KCNH7: variants seen among roughly 807,000 people sequenced by gnomAD.
KCNH7 encodes potassium voltage-gated channel subfamily H member 7.
In KCNH7, 49 loss-of-function variants were observed where a neutral mutation model predicts 120.8. The observed-to-expected ratio is 0.41, with a 90% CI of 0.32 to 0.51. The LOEUF (loss-of-function observed/expected upper bound fraction) is 0.51. Ranked by LOEUF, KCNH7 falls within the 20% of genes least tolerant of loss-of-function variation. The pLI, the probability that KCNH7 is intolerant of heterozygous loss-of-function variation, is 0.38. For missense variants in KCNH7, 1,097 were observed against 1,446.6 expected (o/e 0.76, Z 3.92); for synonymous variants, 547 against 516.1 (o/e 1.06, Z -0.81).
intron 6 of KCNH7, among the ~76,000 whole-genome samples, chr2:162,449,254 C>A (rs1395720234): frequency 6.6e-6 from 1 of 151,932 alleles, no homozygotes; most frequent in Non-Finnish European, 1.5e-5. Context: ...TCAACCTTCT[C>A]ATACAGGAAT....
intron 2 of KCNH7, among the ~76,000 whole-genome samples, chr2:162,691,485 G>A (rs911442391): frequency 8.5e-5 from 13 of 152,092 alleles, no homozygotes; most frequent in African/African-American, 2.9e-4. Flanking sequence ...CTTCTCTTAC[G>A]AAAAATTTTA....
At chr2:162,415,831 T>C (rs887292807) in intron 9 of KCNH7, among the ~76,000 whole-genome samples, 2 of 152,178 alleles carry the variant, frequency 1.3e-5, no homozygotes, top group Non-Finnish European at 2.9e-5. Flanking sequence ...ATAAATGTTA[T>C]GTAACCTAGT....
At chr2:162,401,543 C>T (rs146237927) in intron 9 of KCNH7, among the ~76,000 whole-genome samples, 13 of 151,924 alleles carry the variant, frequency 8.6e-5, no homozygotes, top group Admixed American at 2.0e-4. Flanking sequence ...GTATTTGGCT[C>T]ACAGAGGAAC....
intron 2 of KCNH7, among the ~76,000 whole-genome samples, chr2:162,722,805 C>CTTTTT (rs370399268): frequency 1.3e-5 from 1 of 79,878 alleles, no homozygotes. Flanking sequence ...TTCATTCATT[C>CTTTTT]TTTTTTTCTT....
At chr2:162,772,919 C>T (rs745878880) in intron 2 of KCNH7, among the ~76,000 whole-genome samples, 2 of 152,008 alleles carry the variant, frequency 1.3e-5, no homozygotes, top group African/African-American at 2.4e-5. Flanking sequence ...CCACTTTTTC[C>T]GTAAAAAGGA....
chr2:162,393,572 G>A (rs181417582), intron 12 of KCNH7, among the ~76,000 whole-genome samples: 129 of 151,982 alleles, frequency 8.5e-4, no homozygotes, highest in Non-Finnish European at 1.9e-4. Context: ...TATTACAGAC[G>A]CAAAGAAAAG....
chr2:162,638,591 A>T (rs1179347555), intron 2 of KCNH7, among the ~76,000 whole-genome samples: 1 of 152,120 alleles, frequency 6.6e-6, no homozygotes, highest in African/African-American at 2.4e-5. Flanking sequence ...TAAGATCAAA[A>T]AATCAAAGTC....
intron 2 of KCNH7, among the ~76,000 whole-genome samples, chr2:162,744,442 C>T (rs1256090441): frequency 6.6e-6 from 1 of 152,056 alleles, no homozygotes; most frequent in African/African-American, 2.4e-5. Flanking sequence ...TAAGTTCTCC[C>T]CAGGTAAACA....
At chr2:162,491,319 A>G (rs867316304) in intron 6 of KCNH7, among the ~76,000 whole-genome samples, 11 of 152,204 alleles carry the variant, frequency 7.2e-5, no homozygotes, top group Middle Eastern at 3.2e-3. Flanking sequence ...GCCAGGAGTT[A>G]ACACAGCCCT....
chr2:162,741,335 TATTA>T (rs1197336645), intron 2 of KCNH7, among the ~76,000 whole-genome samples: 2 of 150,212 alleles, frequency 1.3e-5, no homozygotes, highest in African/African-American at 2.4e-5. Flanking sequence ...TAACATATGT[TATTA>T]ATTATACATA....
rs528299764 is a variant in KCNH7, at chr2:162,530,465, C to T, written c.463+6460G>A. Among the ~76,000 whole-genome samples, 27 of 149,392 alleles carry T rather than the reference C, an allele frequency of 1.8e-4. No homozygotes were observed. In the South Asian group the frequency reaches 2.5e-3, roughly 14 times the overall value. ...TCTGAGACACGCTAGTGTGCGCGAG[C>T]GTGCGCGCACACACACACACACACA... is the stretch of plus-strand genomic sequence containing the variant. On this transcript the variant is annotated intron_variant, in intron 3 of 15. Transcript: ENST00000332142.
At chr2:162,657,705 G>A (rs971492308) in intron 2 of KCNH7, among the ~76,000 whole-genome samples, 1 of 152,154 alleles carries the variant, frequency 6.6e-6, no homozygotes. Context: ...ATACCAAAAT[G>A]TGTGATTGCT....
chr2:162,781,037 G>A (rs1345804922), intron 2 of KCNH7, among the ~76,000 whole-genome samples: 1 of 151,920 alleles, frequency 6.6e-6, no homozygotes, highest in African/African-American at 2.4e-5. Context: ...TATAGAATCA[G>A]AATTTTATAG....
Position 162,396,761 on chromosome 2 carries a change from G to A in KCNH7, c.2592C>T (p.Asn864=), listed in dbSNP as rs780433611. ...HFLTNLELTF[N]LRHESAKADL... is the part of the protein sequence containing the mutation. ...ATACCTTTGCGCTCTCATGCCTTAG[G>A]TTGAAAGTCAACTCTAGGTTTGTTA... Residue 864 remains asparagine (N), a synonymous_variant, in exon 11 of 16, where the codon AAC becomes AAT. Transcript: ENST00000332142. The A allele has an allele frequency of 6.2e-7, 1 of 1,610,902 alleles. No homozygotes were observed. Among genetic ancestry groups the A allele is most frequent in the South Asian group, 1.1e-5 (1 of 90,992 alleles).
intron 2 of KCNH7, among the ~76,000 whole-genome samples, chr2:162,549,430 T>C (rs1692592328): frequency 6.6e-6 from 1 of 152,264 alleles, no homozygotes; most frequent in African/African-American, 2.4e-5. Flanking sequence ...TTGAAGCTGA[T>C]CATTGAATGT....
At chr2:162,836,127 A>T (rs1446049081) in intron 2 of KCNH7, among the ~76,000 whole-genome samples, 1 of 152,228 alleles carries the variant, frequency 6.6e-6, no homozygotes, top group Non-Finnish European at 1.5e-5. Context: ...TTAGTTTTAG[A>T]TATAGTTTTC....
At chr2:162,588,685 G>C (rs1452585213) in intron 2 of KCNH7, among the ~76,000 whole-genome samples, 1 of 152,064 alleles carries the variant, frequency 6.6e-6, no homozygotes, top group Middle Eastern at 3.2e-3. Flanking sequence ...AATCAGATCA[G>C]AGTAATTATC....
At chr2:162,601,572 T>C (rs2105952825) in intron 2 of KCNH7, among the ~76,000 whole-genome samples, 1 of 152,108 alleles carries the variant, frequency 6.6e-6, no homozygotes, top group Non-Finnish European at 1.5e-5. Context: ...AACATTTTGC[T>C]TGGACTATCA....
intron 6 of KCNH7, among the ~76,000 whole-genome samples, chr2:162,469,966 C>T (rs904242160): frequency 1.3e-5 from 2 of 152,226 alleles, no homozygotes; most frequent in African/African-American, 4.8e-5. Context: ...GCCTCGGCCT[C>T]CCGAGGTGCC....
Sources: gnomAD v4.1 joint callset for allele counts (sites outside exome capture counted in the v4.1 genomes callset) on GRCh38, gnomAD v4.1.1 for gene constraint, MANE v1.5 for transcripts, NCBI Gene and HGNC (gene_info 2026-07-23, HGNC 2026-07-21) for gene names.